TAFA2: variants seen among roughly 807,000 people sequenced by gnomAD.
The protein encoded by TAFA2 is TAFA chemokine like family member 2.
In TAFA2, 7 loss-of-function variants were observed where a neutral mutation model predicts 18.8. The observed-to-expected ratio is 0.37, with a 90% CI of 0.21 to 0.70. TAFA2 has a LOEUF of 0.70. Among genes scored for constraint, TAFA2 ranks in the 30% least tolerant of loss-of-function variants. The pLI is 0.53. For missense variants in TAFA2, 122 were observed against 158.1 expected, an observed-to-expected ratio of 0.77 and a Z score of 1.23; for synonymous variants, 60 against 54.2, an observed-to-expected ratio of 1.11 and a Z score of -0.47.
chr12:62,099,485 C>T (rs1365101837), intron 1 of TAFA2, among the ~76,000 whole-genome samples: 1 of 152,166 alleles, frequency 6.6e-6, no homozygotes, highest in Non-Finnish European at 1.5e-5. Context: ...CACTTAACTA[C>T]AGACTCACAC....
At chr12:61,779,972 T>G (rs1870434251) in intron 2 of TAFA2, among the ~76,000 whole-genome samples, 1 of 151,838 alleles carries the variant, frequency 6.6e-6, no homozygotes, top group African/African-American at 2.4e-5. Context: ...TAGGCAAAAC[T>G]TTCTAACCAG....
intron 1 of TAFA2, among the ~76,000 whole-genome samples, chr12:62,183,638 G>GCCT (rs1436598051): frequency 6.6e-6 from 1 of 152,066 alleles, no homozygotes; most frequent in Non-Finnish European, 1.5e-5. Context: ...ACCTACTTCG[G>GCCT]CCTCCCAAAG....
chr12:62,185,439 C>G (rs1016142283), intron 1 of TAFA2, among the ~76,000 whole-genome samples: 1 of 152,124 alleles, frequency 6.6e-6, no homozygotes, highest in Non-Finnish European at 1.5e-5. Flanking sequence ...AAAGAAAATA[C>G]AAACAAAGCT....
In TAFA2 at chr12:61,754,943, T is replaced by C; in HGVS notation, c.188A>G (p.Gln63Arg). 2 of 1,613,052 alleles carry C rather than the reference T, an allele frequency of 1.2e-6. No individual in the cohort carries two copies. The highest frequency in any genetic ancestry group is 1.7e-6 in the Non-Finnish European group (2 of 1,179,432). The change falls in exon 3 of 5, where the codon CAA becomes CGA. Residue 63 changes from glutamine to arginine, a missense_variant. Physicochemically the swap from Gln to Arg is conservative, Grantham distance 43 (BLOSUM62 1). Coordinates refer to ENST00000416284, the MANE Select transcript of TAFA2 (RefSeq NM_178539.5). ...AGGGAAGCAGGAGCACTTGACTGTTTGTGACCGTTCTTCTATCTTGTTCTT... is the reference window on the plus strand; with the variant it reads ...AGGGAAGCAGGAGCACTTGACTGTTCGTGACCGTTCTTCTATCTTGTTCTT... ...CNKNKIEERS[Q>R]TVKCSCFPGQ...
chr12:61,908,995 C>T (rs1876486909), intron 1 of TAFA2, among the ~76,000 whole-genome samples: 1 of 152,098 alleles, frequency 6.6e-6, no homozygotes, highest in South Asian at 2.1e-4. Context: ...TTTCAGGAAG[C>T]AAGTTTTGCG....
At chr12:62,034,799 T>A (rs1881555537) in intron 1 of TAFA2, among the ~76,000 whole-genome samples, 1 of 152,156 alleles carries the variant, frequency 6.6e-6, no homozygotes, top group Non-Finnish European at 1.5e-5. Context: ...TAGAATCCAG[T>A]TCAGCATCAA....
At chr12:61,844,158 C>T (rs1009767879) in intron 2 of TAFA2, among the ~76,000 whole-genome samples, 2 of 152,064 alleles carry the variant, frequency 1.3e-5, no homozygotes. Context: ...AAATGAGACC[C>T]AATGAGAATC....
intron 4 of TAFA2, among the ~76,000 whole-genome samples, chr12:61,744,514 T>G (rs1455965497): frequency 6.6e-6 from 1 of 152,112 alleles, no homozygotes; most frequent in African/African-American, 2.4e-5. Flanking sequence ...TAAATTATAT[T>G]TAATTAAGTA....
At chr12:62,096,644 A>C (rs1452049457) in intron 1 of TAFA2, among the ~76,000 whole-genome samples, 2 of 152,146 alleles carry the variant, frequency 1.3e-5, no homozygotes, top group African/African-American at 2.4e-5. Context: ...TTAATGAAAA[A>C]ACTTCTAAAG....
chr12:61,928,106 G>T (rs1172355537), intron 1 of TAFA2, among the ~76,000 whole-genome samples: 1 of 152,294 alleles, frequency 6.6e-6, no homozygotes, highest in South Asian at 2.1e-4. Context: ...CATGGCCAAA[G>T]ACTTCATGAC....
At chr12:61,993,080 T>C (rs562468217) in intron 1 of TAFA2, among the ~76,000 whole-genome samples, 35 of 152,288 alleles carry the variant, frequency 2.3e-4, no homozygotes, top group Middle Eastern at 3.4e-3. Flanking sequence ...CGCTGAAGTT[T>C]TAACCAGAGG....
rs1221034995 is a variant in TAFA2, at chr12:61,717,312, A to G, written c.385-6895T>C. On this transcript the variant is annotated intron_variant, in intron 4 of 4. Coordinates refer to ENST00000416284, the MANE Select transcript of TAFA2 (RefSeq NM_178539.5). ...ATTCACGCATGAGCAAGCTGACCAG[A>G]CAACTTTCAGGTAAGGTAAGGCACT... Among the ~76,000 whole-genome samples the G allele has an allele frequency of 2.0e-5, 3 of 152,230 alleles. No homozygotes were observed. In the East Asian group the frequency reaches 5.8e-4, roughly 29 times the overall value.
chr12:61,883,320 G>C (rs983726788), intron 1 of TAFA2, among the ~76,000 whole-genome samples: 1 of 152,090 alleles, frequency 6.6e-6, no homozygotes, highest in Non-Finnish European at 1.5e-5. Context: ...CAGAGTAAAG[G>C]CATTATTTAC....
intron 1 of TAFA2, among the ~76,000 whole-genome samples, chr12:62,163,740 T>C (rs1483932852): frequency 6.6e-6 from 1 of 152,132 alleles, no homozygotes; most frequent in Non-Finnish European, 1.5e-5. Flanking sequence ...ATGGCAAATA[T>C]ATCAGTTTGT....
chr12:62,245,755 T>C (rs968258825), intron 1 of TAFA2, among the ~76,000 whole-genome samples: 3 of 148,076 alleles, frequency 2.0e-5, no homozygotes, highest in Non-Finnish European at 3.0e-5. Flanking sequence ...CATATTTATA[T>C]ATAAAGCAAT....
chr12:61,925,403 A>T (rs1211445833), intron 1 of TAFA2, among the ~76,000 whole-genome samples: 3 of 152,236 alleles, frequency 2.0e-5, no homozygotes, highest in African/African-American at 7.2e-5. Flanking sequence ...ACCACAGTGC[A>T]ATCAAATTAG....
intron 1 of TAFA2, among the ~76,000 whole-genome samples, chr12:62,184,080 T>C (rs2062568573): frequency 6.6e-6 from 1 of 152,168 alleles, no homozygotes; most frequent in Non-Finnish European, 1.5e-5. Context: ...TAATCATCAT[T>C]ATCATCATCT....
chr12:61,756,619 G>A (rs1280561856), intron 2 of TAFA2, among the ~76,000 whole-genome samples: 2 of 152,050 alleles, frequency 1.3e-5, no homozygotes, highest in Non-Finnish European at 2.9e-5. Context: ...TTATGTTTCT[G>A]AGGAGAAAAC....
Position 61,871,602 on chromosome 12 carries a change from G to A in TAFA2, c.-1-4176C>T, listed in dbSNP as rs1010385981. On this transcript the variant is annotated intron_variant, in intron 1 of 4. Coordinates refer to ENST00000416284, the MANE Select transcript of TAFA2 (RefSeq NM_178539.5). ...CAGCAGCAGCTTGCAAGGAGCACAA[G>A]GGAAAAGAGGAAACTGAGAAATGGT... Among the ~76,000 whole-genome samples, 16 of 152,302 alleles carry A rather than the reference G, an allele frequency of 1.1e-4. No individual in the cohort carries two copies. The East Asian group carries it at 3.1e-3, about 29-fold the overall frequency.
Sources: gnomAD v4.1 joint callset for allele counts (sites outside exome capture counted in the v4.1 genomes callset) on GRCh38, gnomAD v4.1.1 for gene constraint, MANE v1.5 for transcripts, NCBI Gene and HGNC (gene_info 2026-07-23, HGNC 2026-07-21) for gene names.